PPP1R16B: variants seen among roughly 807,000 people sequenced by gnomAD.
PPP1R16B encodes protein phosphatase 1 regulatory inhibitor subunit 16B.
In PPP1R16B, 14 loss-of-function variants were observed where a neutral mutation model predicts 61.7. That is an observed-to-expected ratio of 0.23 (90% CI 0.15 to 0.35). The LOEUF is 0.35. Among genes scored for constraint, PPP1R16B ranks in the 10% least tolerant of loss-of-function variants. The pLI is 1.00. For missense variants in PPP1R16B, 547 were observed against 752.5 expected (o/e 0.73, Z 3.19); for synonymous variants, 266 against 305.3 (o/e 0.87, Z 1.34).
intron 2 of PPP1R16B, among the ~76,000 whole-genome samples, chr20:38,855,801 G>A (rs2084999912): frequency 1.3e-5 from 2 of 151,124 alleles, no homozygotes; most frequent in Non-Finnish European, 2.9e-5. Context: ...CATGTAAGCT[G>A]TGCCTTCCCA....
intron 1 of PPP1R16B, among the ~76,000 whole-genome samples, chr20:38,827,324 C>T (rs978594062): frequency 4.6e-5 from 7 of 152,196 alleles, no homozygotes; most frequent in African/African-American, 1.4e-4. Context: ...GTTATTGTTC[C>T]ACTGCTGGAC....
intron 1 of PPP1R16B, among the ~76,000 whole-genome samples, chr20:38,824,457 T>C (rs1410283613): frequency 6.6e-6 from 1 of 152,246 alleles, no homozygotes; most frequent in Non-Finnish European, 1.5e-5. Flanking sequence ...ATGGTTCCTT[T>C]AGAGATTTTC....
intron 1 of PPP1R16B, among the ~76,000 whole-genome samples, chr20:38,815,143 C>T (rs1260179763): frequency 6.6e-6 from 1 of 152,068 alleles, no homozygotes; most frequent in East Asian, 1.9e-4. Flanking sequence ...TAAACTTTCC[C>T]CATCTTCTCA....
chr20:38,907,990 C>G lies in PPP1R16B; in HGVS notation c.1029-38C>G. On this transcript the variant is annotated intron_variant, in intron 9 of 10. Coordinates refer to ENST00000299824, the MANE Select transcript of PPP1R16B (RefSeq NM_015568.4). This position sits in a 1 kb window ranked among gnomAD's most constrained non-coding sequence, Gnocchi z 4.5. ...CCTGTGTGTGCTCCTGCCTGTGGTG[C>G]CTGGGTGCAGCCTCTAGGACCCACT... 6.2e-7 allele frequency: 1 copy of G among 1,613,896 alleles called. No homozygotes were observed. Among genetic ancestry groups the G allele is most frequent in the South Asian group, 1.1e-5 (1 of 91,048 alleles).
At chr20:38,894,106 TC>T (rs1164750028) in intron 3 of PPP1R16B, among the ~76,000 whole-genome samples, 2 of 150,292 alleles carry the variant, frequency 1.3e-5, no homozygotes, top group African/African-American at 2.4e-5. Flanking sequence ...CTAGCCACCG[TC>T]CCCCCCGCAC....
chr20:38,870,647 T>TGGGAA (rs2085122447), intron 2 of PPP1R16B, among the ~76,000 whole-genome samples: 1 of 151,514 alleles, frequency 6.6e-6, no homozygotes, highest in South Asian at 2.1e-4. Context: ...TGTGAAACAG[T>TGGGAA]GGGAAGGGAA....
chr20:38,809,985 G>GA (rs11086731), intron 1 of PPP1R16B, among the ~76,000 whole-genome samples: 44,673 of 80,360 alleles, frequency 0.56, 11,659 homozygotes, highest in African/African-American at 0.6. Context: ...ACCTTGTTTC[G>GA]AAAAAAAAAA....
At chr20:38,817,782 T>C (rs1300842078) in intron 1 of PPP1R16B, among the ~76,000 whole-genome samples, 3 of 152,176 alleles carry the variant, frequency 2.0e-5, no homozygotes, top group East Asian at 3.9e-4. Flanking sequence ...TAGTGGTTCA[T>C]GCTTGTAATC....
intron 4 of PPP1R16B, among the ~76,000 whole-genome samples, chr20:38,899,370 G>T (rs1260356441): frequency 6.6e-6 from 1 of 152,300 alleles, no homozygotes; most frequent in East Asian, 1.9e-4. Flanking sequence ...TGGGTCAGTG[G>T]GTCCCAAAGC....
At chr20:38,896,574 A>G (rs1312131628) in intron 4 of PPP1R16B, among the ~76,000 whole-genome samples, 6 of 150,056 alleles carry the variant, frequency 4.0e-5, no homozygotes, top group South Asian at 2.1e-4. Context: ...TTCTCCTTTC[A>G]TTCTCCCTTT....
At chr20:38,855,241 A>G (rs189714784) in intron 2 of PPP1R16B, among the ~76,000 whole-genome samples, 1 of 152,210 alleles carries the variant, frequency 6.6e-6, no homozygotes, top group African/African-American at 2.4e-5. Flanking sequence ...GACTTGAGCC[A>G]TTTGAATGTC....
rs999714508 is a variant in PPP1R16B at position 38,835,800 on chromosome 20, A to G, written c.-101-25A>G. The G allele has an allele frequency of 3.3e-5, 39 of 1,165,234 alleles. No homozygotes were observed. In the African/African-American group the frequency reaches 4.6e-4, roughly 14 times the overall value. The allele number at this position is 1,165,234 out of a possible 1,614,324, so 72.2% of individuals were successfully genotyped here. ...GTTGTGGAGTCTGACACATGTGTTC[A>G]TCTGTGTCTCCCTCCCTGCCACAGG... On this transcript the variant is annotated intron_variant, in intron 1 of 10. Transcript: ENST00000299824.
intron 2 of PPP1R16B, among the ~76,000 whole-genome samples, chr20:38,874,407 AC>A (rs2085151666): frequency 6.6e-6 from 1 of 152,036 alleles, no homozygotes; most frequent in South Asian, 2.1e-4. Flanking sequence ...TTCTCAGACA[AC>A]CTTATGAGAT....
At chr20:38,900,154 T>C (rs1241255748) in intron 4 of PPP1R16B, among the ~76,000 whole-genome samples, 3 of 152,136 alleles carry the variant, frequency 2.0e-5, no homozygotes, top group Non-Finnish European at 4.4e-5. Context: ...CCTGAGCTAT[T>C]ATAAGGGTTA....
intron 1 of PPP1R16B, among the ~76,000 whole-genome samples, chr20:38,809,889 G>C (rs1301780206): frequency 6.8e-6 from 1 of 146,774 alleles, no homozygotes; most frequent in East Asian, 2.1e-4. Context: ...GCTGAGGTGG[G>C]AGAATCACCT....
Position 38,900,703 on chromosome 20 carries a change from C to G in PPP1R16B, c.571+19C>G. ...TACCAGGGTAAGGGAGGGCAGCCTGCTATGAAGTGAGCACAGCACAGAGTT... is the reference window on the plus strand; with the variant it reads ...TACCAGGGTAAGGGAGGGCAGCCTGGTATGAAGTGAGCACAGCACAGAGTT... On this transcript the variant is annotated intron_variant, in intron 5 of 10. Coordinates refer to ENST00000299824, the MANE Select transcript of PPP1R16B (RefSeq NM_015568.4). 1 of 1,545,126 alleles carries G rather than the reference C, an allele frequency of 6.5e-7. No homozygotes were observed.
chr20:38,896,729 G>A (rs999283859), intron 4 of PPP1R16B, among the ~76,000 whole-genome samples: 42 of 152,156 alleles, frequency 2.8e-4, no homozygotes, highest in Non-Finnish European at 5.4e-4. Flanking sequence ...CTTTCATCTC[G>A]CAAAACTGAA....
intron 2 of PPP1R16B, among the ~76,000 whole-genome samples, chr20:38,844,646 C>T (rs1264944953): frequency 6.6e-6 from 1 of 152,178 alleles, no homozygotes; most frequent in Admixed American, 6.5e-5. Flanking sequence ...TTATCAAGGA[C>T]ATTTTTAAGG....
chr20:38,852,088 G>T (rs2084973108), intron 2 of PPP1R16B, among the ~76,000 whole-genome samples: 1 of 152,180 alleles, frequency 6.6e-6, no homozygotes. Flanking sequence ...AGAAAAAGGG[G>T]GCTAGGAGAT....
Sources: allele counts gnomAD v4.1 joint callset (sites outside exome capture counted in the v4.1 genomes callset), GRCh38; gene constraint gnomAD v4.1.1; non-coding constraint Gnocchi (gnomAD v3.1); transcripts MANE v1.5; gene names NCBI Gene and HGNC (gene_info 2026-07-23, HGNC 2026-07-21).